The following HGF variants were observed in gnomAD, a reference collection of about 807,000 sequenced individuals.
HGF encodes the protein fibroblast-derived tumor cytotoxic factor.
HGF carries 39 observed loss-of-function variants against 111.6 expected under a neutral mutation model. The observed-to-expected ratio is 0.35, with a 90% CI of 0.27 to 0.46. The LOEUF is 0.46. HGF is among the 20% of genes least tolerant of loss of function. The pLI is 1.00. For missense variants in HGF, 735 were observed against 910.5 expected, an observed-to-expected ratio of 0.81 and a Z score of 2.48; for synonymous variants, 285 against 294.8, an observed-to-expected ratio of 0.97 and a Z score of 0.34.
chr7:81,724,276 C>A (rs1307728506), intron 9 of HGF, among the ~76,000 whole-genome samples: 1 of 152,146 alleles, frequency 6.6e-6, no homozygotes, highest in East Asian at 1.9e-4. Context: ...AGGGACTCAT[C>A]CCCTCTTCCC....
At chr7:81,747,863 G>A (rs1275139376) in intron 5 of HGF, among the ~76,000 whole-genome samples, 4 of 151,930 alleles carry the variant, frequency 2.6e-5, no homozygotes, top group Admixed American at 6.6e-5. Context: ...AACCCAGGAG[G>A]TGGAGGCTGC....
In HGF at chr7:81,745,074, A is replaced by T; in HGVS notation, c.672T>A (p.Asp224Glu). ...CNGESYRGLM[D>E]HTESGKICQR... ...GACAAATCTTGCCTGATTCTGTATG[A>T]TCCATGAGACCTCGATAACTCTCCC... Residue 224 changes from aspartate to glutamate, a missense_variant, in exon 6 of 18, where the codon GAT (aspartate) becomes GAA (glutamate). By Grantham distance (45) the Asp-to-Glu change is conservative. Transcript: ENST00000222390. 6.2e-7 allele frequency: 1 copy of T among 1,613,900 alleles called. No individual in the cohort carries two copies. The highest frequency in any genetic ancestry group is 1.1e-5 in the South Asian group (1 of 91,072).
chr7:81,717,116 G>T, intron 11 of HGF, 116 bp downstream of exon 11: 1 of 958,614 alleles, frequency 1.0e-6, no homozygotes, highest in Non-Finnish European at 1.7e-6. Context: ...GTTGCTCTCT[G>T]GAGAGCTTCC....
At chr7:81,732,227 C>G (rs911839639) in intron 7 of HGF, among the ~76,000 whole-genome samples, 1 of 152,054 alleles carries the variant, frequency 6.6e-6, no homozygotes, top group African/African-American at 2.4e-5. Flanking sequence ...TAACCCACCA[C>G]TCCTCGGACA....
At chr7:81,751,625 G>T in intron 5 of HGF, 4 of 995,404 alleles carry the variant, frequency 4.0e-6, no homozygotes, top group South Asian at 9.0e-5. Flanking sequence ...ACCAAAATGT[G>T]CATGGGGTCA....
chr7:81,764,181 G>T (rs931728442), intron 1 of HGF, among the ~76,000 whole-genome samples: 1 of 152,050 alleles, frequency 6.6e-6, no homozygotes, highest in African/African-American at 2.4e-5. Flanking sequence ...TACCAAAAAT[G>T]CCATCATACT....
chr7:81,751,077 A>T (rs906267167), intron 5 of HGF: 1 of 982,170 alleles, frequency 1.0e-6, no homozygotes, highest in Non-Finnish European at 1.2e-6. Context: ...CTTCTCTGTG[A>T]CAATTAGCTA....
Position 81,752,282 on chromosome 7 carries a change from C to A in HGF, c.483-20G>T. 2 of 1,611,380 alleles carry A rather than the reference C, an allele frequency of 1.2e-6. No homozygotes were observed. The highest frequency in any genetic ancestry group is 1.7e-6 in the Non-Finnish European group (2 of 1,177,686). On this transcript the variant is annotated intron_variant, in intron 4 of 17. Transcript: ENST00000222390. ...AAAAAGCTAGTTTTAAAATGATAAT[C>A]ATTACAGTATAAGAGCATGCAACTT...
chr7:81,736,820 A>G (rs1787841982), intron 7 of HGF: 2 of 444,340 alleles, frequency 4.5e-6, no homozygotes, highest in Non-Finnish European at 8.9e-6. Flanking sequence ...ATAGGCGGTA[A>G]CAGATGGTTA....
intron 1 of HGF, among the ~76,000 whole-genome samples, chr7:81,763,647 G>T (rs1789212259): frequency 6.6e-6 from 1 of 152,244 alleles, no homozygotes; most frequent in Non-Finnish European, 1.5e-5. Flanking sequence ...GATAACTTTA[G>T]TGTTTCAAAA....
chr7:81,765,256 G>A (rs1223976552), intron 1 of HGF, among the ~76,000 whole-genome samples: 4 of 152,042 alleles, frequency 2.6e-5, no homozygotes, highest in Non-Finnish European at 4.4e-5. Context: ...CCATGAAGAA[G>A]ATTCTGGAGA....
At chr7:81,758,665 T>C (rs1788904435) in intron 3 of HGF, 27 bp downstream of exon 3, 3 of 1,230,674 alleles carry the variant, frequency 2.4e-6, no homozygotes, top group Non-Finnish European at 3.6e-6. Flanking sequence ...TATTTCATTA[T>C]GCAATATTTA....
intron 2 of HGF, among the ~76,000 whole-genome samples, chr7:81,761,535 G>T (rs1411269137): frequency 6.6e-6 from 1 of 150,410 alleles, no homozygotes; most frequent in Non-Finnish European, 1.5e-5. Flanking sequence ...ATATGTACAG[G>T]ATTTTATGCA....
At position 81,701,488 on chromosome 7, in the gene HGF, T is replaced by G. The variant is rs1789278039; in HGVS notation, c.*1093A>C. ...GACTTGGAAATTTTCCTCTTAAATT[T>G]TTTAAAATTTAAAGGCAGTGAGCTA... is the stretch of plus-strand genomic sequence containing the variant. On this transcript the variant is annotated 3_prime_UTR_variant, in exon 18 of 18. Coordinates refer to ENST00000222390, the MANE Select transcript of HGF (RefSeq NM_000601.6). The G allele has an allele frequency of 6.6e-6, 1 of 151,694 alleles. No homozygotes were observed. The highest frequency in any genetic ancestry group is 6.6e-5 in the Admixed American group (1 of 15,152). 9.4% of individuals were successfully genotyped at this position (151,694 alleles called of 1,614,324 possible). A position where few individuals can be genotyped will look rare whatever the true frequency, so the allele number is the denominator to read the frequency against.
intron 11 of HGF, among the ~76,000 whole-genome samples, chr7:81,712,633 C>T (rs1457868761): frequency 2.0e-5 from 3 of 152,122 alleles, no homozygotes; most frequent in Non-Finnish European, 4.4e-5. Context: ...ATGAATGAGA[C>T]ACAAGACATT....
chr7:81,766,016 G>C (rs945185773), intron 1 of HGF, among the ~76,000 whole-genome samples: 24 of 152,124 alleles, frequency 1.6e-4, no homozygotes, highest in African/African-American at 5.6e-4. Context: ...TCTTCTCCCA[G>C]TATGGGAAAA....
intron 7 of HGF, among the ~76,000 whole-genome samples, chr7:81,734,824 A>G (rs1787773490): frequency 6.6e-6 from 1 of 152,032 alleles, no homozygotes; most frequent in Non-Finnish European, 1.5e-5. Context: ...GTTTTCACCA[A>G]ACCCACCCTG....
In HGF at chr7:81,725,887, T is replaced by G. The variant is rs941981265; in HGVS notation, c.1168+3A>C. ...GCCCACCCTGCAGAATGTCAGCTATTACCTTGTCCATGTGACATATCACAG... is the reference window on the plus strand; with the variant it reads ...GCCCACCCTGCAGAATGTCAGCTATGACCTTGTCCATGTGACATATCACAG... On this transcript the variant is annotated splice_donor_region_variant and intron_variant, in intron 9 of 17. Coordinates refer to ENST00000222390, the MANE Select transcript of HGF (RefSeq NM_000601.6). The G allele has an allele frequency of 6.2e-7, 1 of 1,613,942 alleles. No homozygotes were observed. Among genetic ancestry groups the G allele is most frequent in the Non-Finnish European group, 8.5e-7 (1 of 1,179,950 alleles).
chr7:81,705,598 C>A (rs1244221331), intron 16 of HGF, 49 bp downstream of exon 16: 1 of 1,600,116 alleles, frequency 6.2e-7, no homozygotes, highest in East Asian at 2.2e-5. Context: ...CAAATGTGTT[C>A]TTTTTAAAAT....
Sources: gnomAD v4.1 joint callset for allele counts (sites outside exome capture counted in the v4.1 genomes callset) on GRCh38, gnomAD v4.1.1 for gene constraint, MANE v1.5 for transcripts, NCBI Gene and HGNC (gene_info 2026-07-23, HGNC 2026-07-21) for gene names.